The following CHLSN variants were observed in gnomAD, a reference collection of about 807,000 sequenced individuals.
The protein encoded by CHLSN is cholesin.
chr7:1,027,905 C>A, the CHLSN span, among the ~76,000 whole-genome samples: 1 of 152,220 alleles, frequency 6.6e-6, no homozygotes, highest in Non-Finnish European at 1.5e-5. Flanking sequence ...GGTCCGCCCC[C>A]ACAGCGCAGG....
At chr7:1,126,717 T>C in the CHLSN span, among the ~76,000 whole-genome samples, 3 of 152,310 alleles carry the variant, frequency 2.0e-5, no homozygotes, top group Admixed American at 6.5e-5. Flanking sequence ...TAGGAGAAGA[T>C]GGCTCACGTG....
chr7:1,011,093 C>T, the CHLSN span, among the ~76,000 whole-genome samples: 1 of 149,716 alleles, frequency 6.7e-6, no homozygotes, highest in Non-Finnish European at 1.5e-5. Context: ...CACACATTCA[C>T]AGACTTCACC....
At chr7:1,093,669 C>G in the CHLSN span, 294,378 of 469,890 alleles carry the variant, frequency 0.63, 93,478 homozygotes, top group African/African-American at 0.75. Flanking sequence ...ACTCCAGCAC[C>G]TGTGGCTGAC....
the CHLSN span, among the ~76,000 whole-genome samples, chr7:1,037,644 T>A: frequency 7.1e-6 from 1 of 139,938 alleles, no homozygotes. Flanking sequence ...AGTGCCGAGA[T>A]TGCAGCCTCT....
the CHLSN span, among the ~76,000 whole-genome samples, chr7:1,011,985 C>A: frequency 6.6e-6 from 1 of 152,150 alleles, no homozygotes; most frequent in Non-Finnish European, 1.5e-5. Context: ...GATGTGGACA[C>A]CCCCAGGGGA....
At chr7:1,059,545 T>A in the CHLSN span, among the ~76,000 whole-genome samples, 3 of 121,024 alleles carry the variant, frequency 2.5e-5, no homozygotes, top group African/African-American at 9.7e-5. Flanking sequence ...GTGAGGTGGG[T>A]CTTAGTGGGG....
chr7:987,490 A>T, the CHLSN span: 4 of 1,546,422 alleles, frequency 2.6e-6, no homozygotes, highest in Non-Finnish European at 3.5e-6. Flanking sequence ...GCCCCGCTGC[A>T]CCGCGGCCGA....
At chr7:1,051,407 G>T in the CHLSN span, among the ~76,000 whole-genome samples, 3 of 152,250 alleles carry the variant, frequency 2.0e-5, no homozygotes, top group Non-Finnish European at 4.4e-5. Context: ...TTCCCGCACA[G>T]CGTGGGGAGC....
the CHLSN span, chr7:997,922 C>G: frequency 3.2e-6 from 3 of 947,538 alleles, no homozygotes; most frequent in African/African-American, 3.4e-5. Context: ...CCTCCCACTG[C>G]GGCCCGAGGG....
chr7:1,035,501 C>A, the CHLSN span, among the ~76,000 whole-genome samples: 1 of 152,228 alleles, frequency 6.6e-6, no homozygotes, highest in African/African-American at 2.4e-5. Flanking sequence ...AAACCTCGAA[C>A]CAAAGAAGAT....
At chr7:1,133,460 C>T in the CHLSN span, among the ~76,000 whole-genome samples, 2 of 149,448 alleles carry the variant, frequency 1.3e-5, no homozygotes, top group Non-Finnish European at 3.0e-5. Flanking sequence ...AAATGTAACA[C>T]CCAAGTGCGG....
At chr7:1,076,407 C>G in the CHLSN span, among the ~76,000 whole-genome samples, 1 of 152,194 alleles carries the variant, frequency 6.6e-6, no homozygotes, top group African/African-American at 2.4e-5. Context: ...CCGCAGGAGG[C>G]TGGGGAGCAC....
the CHLSN span, among the ~76,000 whole-genome samples, chr7:1,001,707 A>G: frequency 2.9e-5 from 2 of 68,104 alleles, no homozygotes; most frequent in African/African-American, 6.4e-5. Flanking sequence ...GCGGGTGGGG[A>G]GTCCTGTGGG....
chr7:1,086,121 G>A, the CHLSN span, among the ~76,000 whole-genome samples: 1 of 152,256 alleles, frequency 6.6e-6, no homozygotes, highest in Non-Finnish European at 1.5e-5. Flanking sequence ...CCCAGGGCAG[G>A]CTCCCCAGGA....
chr7:1,048,683 A>T, the CHLSN span, among the ~76,000 whole-genome samples: 1 of 152,178 alleles, frequency 6.6e-6, no homozygotes, highest in Non-Finnish European at 1.5e-5. Flanking sequence ...AAGACATAGG[A>T]AGAAAGATGC....
the CHLSN span, chr7:1,092,433 C>T: frequency 6.2e-7 from 1 of 1,608,648 alleles, no homozygotes; most frequent in East Asian, 2.2e-5. Flanking sequence ...TGTGCTACTC[C>T]CTCATTGTCC....
chr7:1,118,847 T>C, the CHLSN span, among the ~76,000 whole-genome samples: 1 of 147,740 alleles, frequency 6.8e-6, no homozygotes, highest in African/African-American at 2.6e-5. Flanking sequence ...TGCTAGATAT[T>C]AAAGCATATT....
chr7:1,029,597 G>A, the CHLSN span, among the ~76,000 whole-genome samples: 4 of 152,168 alleles, frequency 2.6e-5, no homozygotes, highest in Admixed American at 6.5e-5. Context: ...CGAGGGAGCC[G>A]CACTGGCCAC....
At chr7:1,122,271 C>T in the CHLSN span, among the ~76,000 whole-genome samples, 1 of 152,230 alleles carries the variant, frequency 6.6e-6, no homozygotes, top group East Asian at 1.9e-4. Flanking sequence ...GGGATTCTTA[C>T]GAGGCAGAGG....
Sources: gnomAD v4.1 joint callset for allele counts (sites outside exome capture counted in the v4.1 genomes callset) on GRCh38, gnomAD v4.1.1 for gene constraint, MANE v1.5 for transcripts, NCBI Gene and HGNC (gene_info 2026-07-23, HGNC 2026-07-21) for gene names.